ARHGEF40: variants seen among roughly 807,000 people sequenced by gnomAD.
ARHGEF40 encodes the protein Rho guanine nucleotide exchange factor 40.
ARHGEF40 carries 98 observed loss-of-function variants against 165.9 expected under a neutral mutation model. The ratio of observed to expected loss-of-function variants is 0.59; its 90% CI spans 0.50 to 0.70. ARHGEF40 has a LOEUF of 0.70. ARHGEF40 is among the 30% of genes least tolerant of loss of function. The pLI is 0.00. For missense variants in ARHGEF40, 1,815 were observed against 1,968.0 expected, an observed-to-expected ratio of 0.92 and a Z score of 1.47; for synonymous variants, 792 against 814.3, an observed-to-expected ratio of 0.97 and a Z score of 0.47.
chr14:21,076,846 G>C lies in ARHGEF40; in HGVS notation c.1990G>C (p.Gly664Arg). ...KPEELQWELG[G>R]HRDPSPSHWV... is the part of the protein sequence containing the mutation. ...AGAGGAGCTGCAGTGGGAGTTAGGA[G>C]GTCACAGGGACCCCTCTCCCAGTCA... The change falls in exon 8 of 24, where the codon GGT becomes CGT. Residue 664 changes from glycine (G) to arginine (R), a missense_variant. Coordinates refer to ENST00000298694, the MANE Select transcript of ARHGEF40 (RefSeq NM_018071.5). 6.2e-7 allele frequency: 1 copy of C among 1,613,838 alleles called. No individual in the cohort carries two copies. Among genetic ancestry groups the C allele is most frequent in the Non-Finnish European group, 8.5e-7 (1 of 1,180,022 alleles).
chr14:21,085,929 A>G, intron 19 of ARHGEF40, 63 bp downstream of exon 19: 1 of 1,577,896 alleles, frequency 6.3e-7, no homozygotes, highest in Non-Finnish European at 8.7e-7. Flanking sequence ...AGTTTTCTGG[A>G]GAGTGTGCGA....
At chr14:21,080,589 G>C in intron 11 of ARHGEF40, 71 bp from the exon 12 acceptor site, 1 of 1,526,962 alleles carries the variant, frequency 6.5e-7, no homozygotes, top group South Asian at 1.2e-5. Flanking sequence ...TGGTGGGGCT[G>C]ATGCTGGATC....
chr14:21,079,436 AC>A (rs1887698346), intron 11 of ARHGEF40, among the ~76,000 whole-genome samples: 1 of 152,068 alleles, frequency 6.6e-6, no homozygotes, highest in African/African-American at 2.4e-5. Context: ...GAAAGGTCCC[AC>A]CTCCCTCTCC....
Position 21,085,709 on chromosome 14 carries a change from A to G in ARHGEF40, c.3981A>G (p.Thr1327=). 1 of 1,614,062 alleles carries G rather than the reference A, an allele frequency of 6.2e-7. No individual in the cohort carries two copies. Among genetic ancestry groups the G allele is most frequent in the Non-Finnish European group, 8.5e-7 (1 of 1,180,050 alleles). The change falls in exon 19 of 24, where the codon ACA becomes ACG. Residue 1327 remains threonine, a synonymous_variant. Transcript: ENST00000298694. ...CTCAGACTGCTGATATGGGGCTGAC[A>G]GAAAACATCGGGGACAGCGGACTCT... is the stretch of plus-strand genomic sequence containing the variant. The part of the protein sequence containing the change: ...QAFKTADMGL[T]ENIGDSGLCF...
chr14:21,062,492 G>T, the ARHGEF40 span, among the ~76,000 whole-genome samples: 2 of 152,110 alleles, frequency 1.3e-5, no homozygotes, highest in Non-Finnish European at 2.9e-5. Context: ...TTATATCCTA[G>T]AAAAACTGAG....
At position 21,070,998 on chromosome 14, in the gene ARHGEF40, G is replaced by C. The variant is rs1886775886; in HGVS notation, c.3+599G>C. The C allele has an allele frequency of 2.4e-6, 2 of 818,190 alleles. No individual in the cohort carries two copies. Among genetic ancestry groups the C allele is most frequent in the East Asian group, 2.7e-5 (1 of 37,234 alleles). The allele number at this position is 818,190 out of a possible 1,614,324, so 50.7% of individuals were successfully genotyped here. ...TGCCTCAGGATAGTTGGGGGTGCTT[G>C]GGGGGGAGCTCACAGTACCAGGGGG... On this transcript the variant is annotated intron_variant, in intron 1 of 23. Coordinates refer to ENST00000298694, the MANE Select transcript of ARHGEF40 (RefSeq NM_018071.5). The surrounding 1 kb of genome is among the most constrained non-coding windows in gnomAD (Gnocchi z 4.7).
intron 8 of ARHGEF40, 129 bp downstream of exon 8, chr14:21,077,019 T>C: frequency 1.5e-6 from 1 of 671,104 alleles, no homozygotes; most frequent in Non-Finnish European, 2.6e-6. Context: ...TCCATTCAAT[T>C]CAACAAGTAT....
intron 1 of ARHGEF40, among the ~76,000 whole-genome samples, chr14:21,071,140 G>A (rs1012586134): frequency 6.6e-6 from 1 of 152,204 alleles, no homozygotes; most frequent in Non-Finnish European, 1.5e-5. Flanking sequence ...GAGGGAACAC[G>A]AGCCGGAGCT....
At position 21,079,015 on chromosome 14, in the gene ARHGEF40, G is replaced by T; in HGVS notation, c.2373+5G>T. ...TGCCTGCGGCGACTCCAGCAGGTGA[G>T]CCAGGATCCCCACGTCCCTCTTACT... On this transcript the variant is annotated splice_donor_5th_base_variant and intron_variant, in intron 11 of 23. Coordinates refer to ENST00000298694, the MANE Select transcript of ARHGEF40 (RefSeq NM_018071.5). The T allele has an allele frequency of 6.2e-7, 1 of 1,610,838 alleles. No individual in the cohort carries two copies.
the ARHGEF40 span, among the ~76,000 whole-genome samples, chr14:21,061,916 T>G: frequency 6.6e-6 from 1 of 152,254 alleles, no homozygotes; most frequent in African/African-American, 2.4e-5. Flanking sequence ...AGGAATGTTT[T>G]GCTGGTTAGC....
rs148452599 is a variant in ARHGEF40, at chr14:21,080,953, G to A, written c.2577G>A (p.Gln859=). ...TSQKVLDIFE[Q]RLEQVESGLH... ...AGAAGGTGCTGGATATCTTTGAACA[G>A]CGGCTGGAGCAGGTTGAGAGTGGCC... is the stretch of plus-strand genomic sequence containing the variant. The change falls in exon 13 of 24, where the codon CAG becomes CAA. Residue 859 remains glutamine, a synonymous_variant. Transcript: ENST00000298694. The A allele has an allele frequency of 3.1e-3, 4,928 of 1,614,214 alleles. 9 individuals are homozygous for A. The highest frequency in any genetic ancestry group is 6.6e-3 in the Middle Eastern group (40 of 6,060).
Position 21,073,163 on chromosome 14 carries a change from G to C in ARHGEF40, c.122G>C (p.Arg41Pro). 6.2e-7 allele frequency: 1 copy of C among 1,614,064 alleles called. No individual in the cohort carries two copies. The highest frequency in any genetic ancestry group is 8.5e-7 in the Non-Finnish European group (1 of 1,180,010). ...QVFQVVERTY[R>P]EDALRYTLDF... ...TTCCAGGTGGTGGAGAGGACTTATCGGGAGGACGCACTGAGGTACACGCTG... is the reference window on the plus strand; with the variant it reads ...TTCCAGGTGGTGGAGAGGACTTATCCGGAGGACGCACTGAGGTACACGCTG... The change falls in exon 2 of 24, where the codon CGG (arginine) becomes CCG (proline). Residue 41 changes from arginine to proline, a missense_variant. By Grantham distance (103) the Arg-to-Pro change is moderately radical (BLOSUM62 -2). Coordinates refer to ENST00000298694, the MANE Select transcript of ARHGEF40 (RefSeq NM_018071.5). The surrounding 1 kb of genome is among the most constrained non-coding windows in gnomAD (Gnocchi z 4.6).
At chr14:21,077,277 G>A in intron 8 of ARHGEF40, among the ~76,000 whole-genome samples, 1 of 115,728 alleles carries the variant, frequency 8.6e-6, no homozygotes, top group East Asian at 2.2e-4. Flanking sequence ...CCTAGTTTTT[G>A]TATTTTTTTT....
At chr14:21,080,428 C>G (rs1175518548) in intron 11 of ARHGEF40, among the ~76,000 whole-genome samples, 1 of 152,164 alleles carries the variant, frequency 6.6e-6, no homozygotes, top group Non-Finnish European at 1.5e-5. Flanking sequence ...TCAGTGCTTC[C>G]CATCAGCCCA....
At chr14:21,088,192 G>T in intron 22 of ARHGEF40, 94 bp downstream of exon 22, 2 of 1,433,142 alleles carry the variant, frequency 1.4e-6, no homozygotes, top group Non-Finnish European at 9.3e-7. Context: ...GGGGTTGGGG[G>T]AAAACTGTGA....
intron 19 of ARHGEF40, chr14:21,086,520 T>C (rs1284194564): frequency 6.5e-6 from 1 of 153,464 alleles, no homozygotes; most frequent in Non-Finnish European, 1.5e-5. Context: ...TTTTTATTTT[T>C]GTTTTTTTGC....
intron 1 of ARHGEF40, among the ~76,000 whole-genome samples, chr14:21,071,428 G>A (rs1247589906): frequency 6.6e-6 from 1 of 152,144 alleles, no homozygotes; most frequent in Non-Finnish European, 1.5e-5. Flanking sequence ...GAGGGGCAGG[G>A]GCACTACTGG....
At chr14:21,079,237 T>C (rs928326246) in intron 11 of ARHGEF40, among the ~76,000 whole-genome samples, 1 of 152,176 alleles carries the variant, frequency 6.6e-6, no homozygotes, top group Non-Finnish European at 1.5e-5. Context: ...TTACACTTGA[T>C]CGAAAATGCT....
At position 21,078,775 on chromosome 14, in the gene ARHGEF40, T is replaced by C; in HGVS notation, c.2247-109T>C. The C allele has an allele frequency of 4.8e-6, 7 of 1,469,748 alleles. No individual in the cohort carries two copies. In the Admixed American group the frequency reaches 1.4e-4, roughly 29 times the overall value. The allele number at this position is 1,469,748 out of a possible 1,614,324, so 91.0% of individuals were successfully genotyped here. A position where few individuals can be genotyped will look rare whatever the true frequency, so the allele number is the denominator to read the frequency against. On this transcript the variant is annotated intron_variant, in intron 10 of 23. Coordinates refer to ENST00000298694, the MANE Select transcript of ARHGEF40 (RefSeq NM_018071.5). ...GTCAGGGTTCAGCCCATGCTTTTGA[T>C]CCATGCTGCTATGCAACCTCTCATG... is the stretch of plus-strand genomic sequence containing the variant.
Sources: gnomAD v4.1 joint callset for allele counts (sites outside exome capture counted in the v4.1 genomes callset) on GRCh38, gnomAD v4.1.1 for gene constraint, Gnocchi (gnomAD v3.1) non-coding constraint, MANE v1.5 for transcripts, NCBI Gene and HGNC (gene_info 2026-07-23, HGNC 2026-07-21) for gene names.